The following SLC9A9 variants were observed in gnomAD, a reference collection of about 807,000 sequenced individuals.
SLC9A9 encodes the protein solute carrier family 9 member A9.
SLC9A9 carries 62 observed loss-of-function variants against 77.8 expected under a neutral mutation model. That is an observed-to-expected ratio of 0.80 (90% CI 0.65 to 0.98). SLC9A9 has a LOEUF of 0.98. SLC9A9 is among the 50% of genes least tolerant of loss of function. The probability of loss-of-function intolerance (pLI) is 0.00; values close to 1 mark genes in which losing one functional copy is unlikely to be tolerated. For synonymous variants in SLC9A9, 320 were observed against 283.5 expected (o/e 1.13, Z -1.29); for missense variants, 775 against 774.9 (o/e 1.00, Z 0.00).
At chr3:143,600,275 C>T (rs571278131) in intron 6 of SLC9A9, among the ~76,000 whole-genome samples, 5 of 152,068 alleles carry the variant, frequency 3.3e-5, no homozygotes, top group African/African-American at 7.2e-5. Flanking sequence ...TGAGAACATG[C>T]GGTGTTTGGT....
chr3:143,543,537 C>G (rs942389011), intron 9 of SLC9A9, among the ~76,000 whole-genome samples: 3 of 152,200 alleles, frequency 2.0e-5, no homozygotes, highest in Non-Finnish European at 4.4e-5. Flanking sequence ...AACCCTTACA[C>G]TTTCCCTCCC....
chr3:143,794,022 T>G lies in SLC9A9; in HGVS notation c.533+979A>C, dbSNP rs138983871. 4.6e-5 allele frequency among the ~76,000 whole-genome samples: 7 copies of G among 152,304 alleles called. No homozygotes were observed. The East Asian group carries it at 1.2e-3, about 25-fold the overall frequency. On this transcript the variant is annotated intron_variant, in intron 4 of 15. Coordinates refer to ENST00000316549, the MANE Select transcript of SLC9A9 (RefSeq NM_173653.4). ...CTGCCTTAAACCATTCTGAATATTT[T>G]TATATAACATGGCCTGACTTGTTCT... is the stretch of plus-strand genomic sequence containing the variant.
chr3:143,646,700 A>C (rs1433855244), intron 6 of SLC9A9, among the ~76,000 whole-genome samples: 8 of 152,168 alleles, frequency 5.3e-5, no homozygotes, highest in African/African-American at 1.4e-4. Flanking sequence ...CTTAGAATAA[A>C]TTTCTAGAAA....
intron 12 of SLC9A9, among the ~76,000 whole-genome samples, chr3:143,403,167 G>A (rs1382054714): frequency 1.3e-5 from 2 of 151,888 alleles, no homozygotes; most frequent in East Asian, 3.9e-4. Context: ...AAAATTAAGA[G>A]TGAAAAAAGT....
chr3:143,316,129 C>G (rs745316414), intron 14 of SLC9A9, among the ~76,000 whole-genome samples: 2 of 152,172 alleles, frequency 1.3e-5, no homozygotes, highest in South Asian at 4.1e-4. Context: ...TTAAGATGTG[C>G]AGAAGAAACG....
At chr3:143,763,334 T>C (rs2007197816) in intron 4 of SLC9A9, among the ~76,000 whole-genome samples, 1 of 152,170 alleles carries the variant, frequency 6.6e-6, no homozygotes, top group African/African-American at 2.4e-5. Flanking sequence ...CCTCTACTTT[T>C]TTCATCTTGA....
intron 12 of SLC9A9, among the ~76,000 whole-genome samples, chr3:143,450,190 TAATATATA>T (rs1485644824): frequency 1.5e-5 from 2 of 134,882 alleles, no homozygotes; most frequent in Non-Finnish European, 3.1e-5. Context: ...TATGTAAATA[TAATATATA>T]AATATATAAA....
intron 4 of SLC9A9, among the ~76,000 whole-genome samples, chr3:143,721,274 C>T (rs1934492083): frequency 6.6e-6 from 1 of 152,130 alleles, no homozygotes; most frequent in African/African-American, 2.4e-5. Context: ...CTTTAAAATC[C>T]CCCTGACATC....
chr3:143,401,636 A>G (rs2033863643), intron 12 of SLC9A9, among the ~76,000 whole-genome samples: 1 of 152,162 alleles, frequency 6.6e-6, no homozygotes, highest in South Asian at 2.1e-4. Context: ...GTGTCTTTAA[A>G]TGTTTCTCTA....
intron 2 of SLC9A9, among the ~76,000 whole-genome samples, chr3:143,809,120 T>C (rs892531106): frequency 6.6e-6 from 1 of 152,232 alleles, no homozygotes; most frequent in African/African-American, 2.4e-5. Context: ...AGAGATGTAT[T>C]TCTGAATGCT....
chr3:143,675,405 T>C (rs1560025700), intron 5 of SLC9A9, among the ~76,000 whole-genome samples: 1 of 152,204 alleles, frequency 6.6e-6, no homozygotes, highest in Non-Finnish European at 1.5e-5. Flanking sequence ...TGAATTATCA[T>C]CCATGCATTT....
intron 6 of SLC9A9, among the ~76,000 whole-genome samples, chr3:143,630,182 C>A (rs1017602037): frequency 4.6e-5 from 7 of 152,144 alleles, no homozygotes; most frequent in African/African-American, 1.7e-4. Context: ...CAAGGAGATG[C>A]TTCAAACTCA....
chr3:143,806,015 T>C (rs2008702043), intron 2 of SLC9A9, among the ~76,000 whole-genome samples: 1 of 152,064 alleles, frequency 6.6e-6, no homozygotes, highest in African/African-American at 2.4e-5. Flanking sequence ...TCTAAAACTT[T>C]CCTGGACTTA....
chr3:143,547,401 C>T (rs1251450200), intron 9 of SLC9A9, among the ~76,000 whole-genome samples: 1 of 152,230 alleles, frequency 6.6e-6, no homozygotes, highest in African/African-American at 2.4e-5. Context: ...ACATCCCAAA[C>T]TTAACAAGTC....
intron 1 of SLC9A9, among the ~76,000 whole-genome samples, chr3:143,846,623 G>T (rs2009835577): frequency 6.6e-6 from 1 of 152,030 alleles, no homozygotes; most frequent in South Asian, 2.1e-4. Context: ...GGAGGCCAAG[G>T]TCAGTGGATC....
intron 9 of SLC9A9, chr3:143,517,257 C>T (rs189786912): frequency 2.8e-5 from 36 of 1,275,962 alleles, no homozygotes; most frequent in Admixed American, 6.7e-5. Context: ...TCCTGCATGG[C>T]GGCAAGAACC....
chr3:143,842,830 A>G (rs1027488016), intron 1 of SLC9A9, among the ~76,000 whole-genome samples: 5 of 152,202 alleles, frequency 3.3e-5, no homozygotes, highest in African/African-American at 1.2e-4. Context: ...CAGACTGGAT[A>G]TCATTATAGG....
chr3:143,614,548 TAA>T (rs1266063938), intron 6 of SLC9A9, among the ~76,000 whole-genome samples: 1 of 152,312 alleles, frequency 6.6e-6, no homozygotes, highest in Non-Finnish European at 1.5e-5. Context: ...GACTGCCTAA[TAA>T]AAAGAGGAGA....
chr3:143,840,844 A>T (rs2009688125), intron 1 of SLC9A9, among the ~76,000 whole-genome samples: 1 of 152,180 alleles, frequency 6.6e-6, no homozygotes, highest in African/African-American at 2.4e-5. Flanking sequence ...TTCTGGGCAG[A>T]GTTGGTTAAG....
Sources: gnomAD v4.1 joint callset for allele counts (sites outside exome capture counted in the v4.1 genomes callset) on GRCh38, gnomAD v4.1.1 for gene constraint, MANE v1.5 for transcripts, NCBI Gene and HGNC (gene_info 2026-07-23, HGNC 2026-07-21) for gene names.